DISC1: variants seen among roughly 807,000 people sequenced by gnomAD.
The protein encoded by DISC1 is disrupted in schizophrenia 1 protein.
DISC1 carries 57 observed loss-of-function variants against 84.5 expected under a neutral mutation model. The observed-to-expected ratio is 0.67, with a 90% CI of 0.55 to 0.84. The LOEUF is 0.84. Among genes scored for constraint, DISC1 ranks in the 40% least tolerant of loss-of-function variants. DISC1 has a pLI of 0.00. For missense variants in DISC1, 1,000 were observed against 1,057.8 expected (o/e 0.95, Z 0.76); for synonymous variants, 411 against 415.2 (o/e 0.99, Z 0.12).
intron 3 of DISC1, among the ~76,000 whole-genome samples, chr1:231,747,179 G>C (rs948436586): frequency 2.0e-5 from 3 of 152,022 alleles, no homozygotes; most frequent in East Asian, 1.9e-4. Flanking sequence ...GATCCTCCTC[G>C]TTTAGCCTCC....
intron 10 of DISC1, among the ~76,000 whole-genome samples, chr1:232,007,899 C>T (rs1277586286): frequency 6.6e-6 from 1 of 152,066 alleles, no homozygotes; most frequent in Non-Finnish European, 1.5e-5. Context: ...GGCAGTTTCC[C>T]CAGTGCTGTT....
At chr1:231,766,288 T>TA (rs61578768) in intron 4 of DISC1, among the ~76,000 whole-genome samples, 1,701 of 106,072 alleles carry the variant, frequency 0.016, 61 homozygotes, top group African/African-American at 0.054. Flanking sequence ...AGACATTATC[T>TA]AAAAAAAAAA....
intron 7 of DISC1, among the ~76,000 whole-genome samples, chr1:231,796,529 G>A (rs1026800930): frequency 6.6e-6 from 1 of 152,130 alleles, no homozygotes; most frequent in African/African-American, 2.4e-5. Context: ...TGGCAAAAAT[G>A]TCTGGAGTTA....
chr1:231,678,357 G>C (rs1007681573), intron 1 of DISC1, among the ~76,000 whole-genome samples: 6 of 152,110 alleles, frequency 3.9e-5, no homozygotes, highest in Non-Finnish European at 7.3e-5. Flanking sequence ...TCGGCAGGCG[G>C]GCAGCTCTGT....
At chr1:231,786,747 G>A (rs114255682) in intron 6 of DISC1, among the ~76,000 whole-genome samples, 1 of 151,904 alleles carries the variant, frequency 6.6e-6, no homozygotes, top group Non-Finnish European at 1.5e-5. Flanking sequence ...TGGGGACCTA[G>A]CCTGTATGCC....
chr1:232,005,672 T>C (rs1667331893), intron 10 of DISC1, among the ~76,000 whole-genome samples: 1 of 151,960 alleles, frequency 6.6e-6, no homozygotes, highest in Admixed American at 6.5e-5. Flanking sequence ...TCATCATTTA[T>C]GGACATGGGC....
At position 232,036,799 on chromosome 1, in the gene DISC1, A is replaced by G. The variant is rs756515963; in HGVS notation, c.2533A>G (p.Met845Val). ...AGAAAGAGAAGCTGCAGCTTCCTGCATGACAGCTGGTGTCCACGAAGCACA... is the reference window on the plus strand; with the variant it reads ...AGAAAGAGAAGCTGCAGCTTCCTGCGTGACAGCTGGTGTCCACGAAGCACA... ...AGEREAAASC[M>V]TAGVHEAQA The change falls in exon 13 of 13, where the codon ATG becomes GTG. Residue 845 changes from methionine (M) to valine (V), a missense_variant. By Grantham distance (21) the Met-to-Val change is conservative. Coordinates refer to ENST00000439617, the MANE Select transcript of DISC1 (RefSeq NM_018662.3). 14 of 1,578,398 alleles carry G rather than the reference A, an allele frequency of 8.9e-6. No homozygotes were observed. Among genetic ancestry groups the G allele is most frequent in the Non-Finnish European group, 1.2e-5 (14 of 1,157,776 alleles).
At chr1:231,764,582 T>C (rs1052397432) in intron 4 of DISC1, among the ~76,000 whole-genome samples, 26 of 152,208 alleles carry the variant, frequency 1.7e-4, no homozygotes, top group African/African-American at 6.3e-4. Context: ...CCAGTGTATC[T>C]TCTTGTGTGA....
In DISC1 at chr1:231,737,729, C is replaced by T. The variant is rs189355582; in HGVS notation, c.1118-12197C>T. 1.6e-3 allele frequency among the ~76,000 whole-genome samples: 243 copies of T among 152,332 alleles called. 1 individual carries two copies. Among genetic ancestry groups the T allele is most frequent in the African/African-American group, 5.4e-3 (226 of 41,574 alleles). On this transcript the variant is annotated intron_variant, in intron 3 of 12. Coordinates refer to ENST00000439617, the MANE Select transcript of DISC1 (RefSeq NM_018662.3). The stretch of plus-strand genomic sequence containing the variant: ...TTGAAATAATTCTGCACTTAAAAGT[C>T]ACAAGTATGCTACAAAGAGCTCACA...
chr1:231,924,493 T>C (rs60538156), intron 9 of DISC1, among the ~76,000 whole-genome samples: 30,924 of 151,996 alleles, frequency 0.2, 3,895 homozygotes, highest in East Asian at 0.68. Flanking sequence ...TGAATGTATC[T>C]GTGTGGGTGA....
intron 10 of DISC1, among the ~76,000 whole-genome samples, chr1:231,979,738 G>C (rs897136998): frequency 1.3e-4 from 20 of 151,114 alleles, no homozygotes; most frequent in Non-Finnish European, 2.7e-4. Context: ...TATATTAGGA[G>C]TATAATATAT....
chr1:231,842,399 A>G (rs1242330371), intron 9 of DISC1, among the ~76,000 whole-genome samples: 1 of 152,186 alleles, frequency 6.6e-6, no homozygotes, highest in Non-Finnish European at 1.5e-5. Context: ...TTAGAACTCC[A>G]TTTCAATGGA....
chr1:231,721,323 G>C (rs1224860330), intron 3 of DISC1, among the ~76,000 whole-genome samples: 1 of 152,086 alleles, frequency 6.6e-6, no homozygotes, highest in East Asian at 1.9e-4. Context: ...GTTTTTAGGA[G>C]AGAAAAAATT....
At position 231,831,132 on chromosome 1, in the gene DISC1, G is replaced by C. The variant is rs190393617; in HGVS notation, c.1981+12615G>C. Reference sequence around the variant, plus strand: ...AGGCTAAGAGGTATTTTAATTTTCTGACTTGGGGCATGTGAGTAAAGTCAA... The same window carrying C: ...AGGCTAAGAGGTATTTTAATTTTCTCACTTGGGGCATGTGAGTAAAGTCAA... On this transcript the variant is annotated intron_variant, in intron 9 of 12. Coordinates refer to ENST00000439617, the MANE Select transcript of DISC1 (RefSeq NM_018662.3). Among the ~76,000 whole-genome samples the C allele has an allele frequency of 2.6e-3, 390 of 152,304 alleles. 2 individuals are homozygous for C. The highest frequency in any genetic ancestry group is 8.5e-3 in the African/African-American group (355 of 41,572).
chr1:231,952,090 C>CAAAAAAAAAAAAAAAA (rs11392611), intron 9 of DISC1, among the ~76,000 whole-genome samples: 3 of 54,238 alleles, frequency 5.5e-5, no homozygotes, highest in Non-Finnish European at 1.1e-4. Context: ...CTCAATGTCT[C>CAAAAAAAAAAAAAAAA]AAAAAAAAAA....
At chr1:231,800,053 C>T (rs1274867154) in intron 7 of DISC1, 55 bp from the exon 8 acceptor site, 4 of 1,386,592 alleles carry the variant, frequency 2.9e-6, no homozygotes, top group Non-Finnish European at 4.1e-6. Context: ...TGTTCCACTG[C>T]CTTCTGATTT....
intron 1 of DISC1, among the ~76,000 whole-genome samples, chr1:231,652,750 G>C (rs959643788): frequency 6.6e-6 from 1 of 152,156 alleles, no homozygotes; most frequent in Non-Finnish European, 1.5e-5. Flanking sequence ...ATGTTTTCAT[G>C]TCAACCAGTA....
At chr1:231,893,282 G>A (rs1316556040) in intron 9 of DISC1, among the ~76,000 whole-genome samples, 1 of 152,126 alleles carries the variant, frequency 6.6e-6, no homozygotes, top group Admixed American at 6.5e-5. Context: ...TTGAACCCAG[G>A]TTTAAAAGAC....
intron 9 of DISC1, among the ~76,000 whole-genome samples, chr1:231,933,906 C>G (rs1188951596): frequency 2.0e-5 from 3 of 152,204 alleles, no homozygotes; most frequent in Non-Finnish European, 4.4e-5. Context: ...TCCCTTGAGA[C>G]CGGCACTACT....
Sources: allele counts gnomAD v4.1 joint callset (sites outside exome capture counted in the v4.1 genomes callset), GRCh38; gene constraint gnomAD v4.1.1; transcripts MANE v1.5; gene names NCBI Gene and HGNC (gene_info 2026-07-23, HGNC 2026-07-21).